Variants in CNTN4 observed in about 807,000 individuals in gnomAD.
CNTN4 encodes the protein contactin 4, also known as contactin-4.
In CNTN4, 77 loss-of-function variants were observed where a neutral mutation model predicts 122.5. The observed-to-expected ratio is 0.63, with a 90% CI of 0.52 to 0.76. The LOEUF is 0.76. Ranked by LOEUF, CNTN4 falls within the 30% of genes least tolerant of loss-of-function variation. The pLI, the probability that CNTN4 is intolerant of heterozygous loss-of-function variation, is 0.00. For missense variants in CNTN4, 1,256 were observed against 1,259.1 expected, an observed-to-expected ratio of 1.00 and a Z score of 0.04; for synonymous variants, 512 against 447.0, an observed-to-expected ratio of 1.15 and a Z score of -1.83.
At chr3:2,541,030 A>G (rs897481860) in intron 3 of CNTN4, among the ~76,000 whole-genome samples, 10 of 152,160 alleles carry the variant, frequency 6.6e-5, no homozygotes, top group Admixed American at 4.6e-4. Context: ...CACTCATTAC[A>G]TAGCTGGAAC....
At chr3:2,912,824 AG>A (rs1383150315) in intron 12 of CNTN4, among the ~76,000 whole-genome samples, 1 of 152,232 alleles carries the variant, frequency 6.6e-6, no homozygotes, top group African/African-American at 2.4e-5. Flanking sequence ...AAGAGAAATG[AG>A]CAGTGAATGA....
chr3:2,947,592 T>A (rs948193617), intron 13 of CNTN4, among the ~76,000 whole-genome samples: 1 of 152,262 alleles, frequency 6.6e-6, no homozygotes, highest in Non-Finnish European at 1.5e-5. Flanking sequence ...CCCTGGAGAT[T>A]GTACTAATCT....
chr3:2,667,958 T>A (rs111338930), intron 4 of CNTN4, among the ~76,000 whole-genome samples: 9,406 of 152,132 alleles, frequency 0.062, 447 homozygotes, highest in African/African-American at 0.13. Context: ...TATATGTCTG[T>A]TTTGGTACCA....
intron 4 of CNTN4, among the ~76,000 whole-genome samples, chr3:2,699,107 T>A (rs1306238771): frequency 6.6e-6 from 1 of 152,188 alleles, no homozygotes; most frequent in Non-Finnish European, 1.5e-5. Flanking sequence ...ACTAGCTTAA[T>A]GCTTGGAAGA....
chr3:2,315,741 A>G (rs1559446114), intron 2 of CNTN4, among the ~76,000 whole-genome samples: 1 of 152,090 alleles, frequency 6.6e-6, no homozygotes, highest in South Asian at 2.1e-4. Context: ...ACCAGTAATG[A>G]ACATTAGTAA....
chr3:2,797,844 C>A (rs1222754681), intron 6 of CNTN4, among the ~76,000 whole-genome samples: 2 of 151,240 alleles, frequency 1.3e-5, no homozygotes, highest in Non-Finnish European at 2.9e-5. Context: ...ACACTATGAC[C>A]CTTACTCACA....
Position 2,194,056 on chromosome 3 carries a change from G to T in CNTN4, c.-145+93417G>T, listed in dbSNP as rs11707921. On this transcript the variant is annotated intron_variant, in intron 2 of 24. Transcript: ENST00000418658. Reference sequence around the variant, plus strand: ...AATGAAGTTAGTAACTGTACTATGGGTACATAAAAAAATGTCCCTGTTTAG... The same window carrying T: ...AATGAAGTTAGTAACTGTACTATGGTTACATAAAAAAATGTCCCTGTTTAG... Among the ~76,000 whole-genome samples, 962 of 152,142 alleles carry T rather than the reference G, an allele frequency of 6.3e-3. 14 individuals are homozygous for T. Among genetic ancestry groups the T allele is most frequent in the African/African-American group, 0.022 (909 of 41,504 alleles).
chr3:2,740,509 A>G (rs2089397913), intron 5 of CNTN4, among the ~76,000 whole-genome samples: 1 of 152,218 alleles, frequency 6.6e-6, no homozygotes, highest in South Asian at 2.1e-4. Context: ...ATAATTAACC[A>G]TTAAGAAGGA....
At chr3:2,465,832 A>G (rs2075477816) in intron 3 of CNTN4, among the ~76,000 whole-genome samples, 2 of 152,218 alleles carry the variant, frequency 1.3e-5, no homozygotes, top group South Asian at 2.1e-4. Flanking sequence ...CTTTTCTGAC[A>G]TGAGGTGCTA....
intron 3 of CNTN4, among the ~76,000 whole-genome samples, chr3:2,459,920 A>G (rs2049140034): frequency 6.6e-6 from 1 of 152,142 alleles, no homozygotes; most frequent in Non-Finnish European, 1.5e-5. Context: ...GGAAGTTATC[A>G]TTAATTTTAT....
intron 3 of CNTN4, among the ~76,000 whole-genome samples, chr3:2,550,428 A>G (rs997333329): frequency 6.6e-6 from 1 of 152,188 alleles, no homozygotes; most frequent in Non-Finnish European, 1.5e-5. Context: ...TAGAATGGTG[A>G]TCATTAAAAA....
chr3:2,864,869 TA>T (rs2093707221), intron 7 of CNTN4, among the ~76,000 whole-genome samples: 1 of 78,968 alleles, frequency 1.3e-5, no homozygotes, highest in Non-Finnish European at 2.5e-5. Context: ...AATTTATACT[TA>T]AAACTCTCTT....
intron 17 of CNTN4, among the ~76,000 whole-genome samples, chr3:3,035,781 C>G (rs1699547965): frequency 6.6e-6 from 1 of 152,176 alleles, no homozygotes; most frequent in Non-Finnish European, 1.5e-5. Flanking sequence ...TGGTCTCAAA[C>G]TCCTGCGCTC....
intron 2 of CNTN4, among the ~76,000 whole-genome samples, chr3:2,293,372 T>C (rs1390201673): frequency 6.6e-6 from 1 of 152,198 alleles, no homozygotes; most frequent in African/African-American, 2.4e-5. Flanking sequence ...TTAACTATTA[T>C]TGTGAGTAAA....
At chr3:2,924,034 C>T (rs933738605) in intron 12 of CNTN4, among the ~76,000 whole-genome samples, 1 of 152,106 alleles carries the variant, frequency 6.6e-6, no homozygotes, top group African/African-American at 2.4e-5. Context: ...AGACTTCCCT[C>T]ATAAATCTGA....
chr3:2,383,120 G>A (rs1302754338), intron 3 of CNTN4, among the ~76,000 whole-genome samples: 1 of 151,630 alleles, frequency 6.6e-6, no homozygotes, highest in Non-Finnish European at 1.5e-5. Context: ...GACAATTGAG[G>A]ACCTTAATAT....
intron 13 of CNTN4, among the ~76,000 whole-genome samples, chr3:2,944,760 GA>G (rs2094656808): frequency 6.6e-6 from 1 of 152,172 alleles, no homozygotes; most frequent in East Asian, 1.9e-4. Flanking sequence ...TGCGTGTCCT[GA>G]AACAAACTCA....
chr3:3,038,903 A>T, intron 18 of CNTN4, 30 bp from the exon 19 acceptor site: 1 of 1,608,638 alleles, frequency 6.2e-7, no homozygotes, highest in Non-Finnish European at 8.5e-7. Context: ...TTGCCGCCTG[A>T]CATAACTTGT....
intron 2 of CNTN4, among the ~76,000 whole-genome samples, chr3:2,256,416 AG>A (rs1248186212): frequency 6.6e-6 from 1 of 152,216 alleles, no homozygotes. Flanking sequence ...ATAGAAAAAG[AG>A]GGAATCCTCC....
Sources: allele counts gnomAD v4.1 joint callset (sites outside exome capture counted in the v4.1 genomes callset), GRCh38; gene constraint gnomAD v4.1.1; transcripts MANE v1.5; gene names NCBI Gene and HGNC (gene_info 2026-07-23, HGNC 2026-07-21).